WWOX: variants seen among roughly 807,000 people sequenced by gnomAD.
WWOX encodes the protein WW domain containing oxidoreductase.
WWOX carries 69 observed loss-of-function variants against 46.2 expected under a neutral mutation model. That is an observed-to-expected ratio of 1.49 (90% confidence interval 1.23 to 1.82). The LOEUF (loss-of-function observed/expected upper bound fraction) is 1.82. Among genes scored for constraint, WWOX ranks in the 40% most tolerant of loss-of-function variants. WWOX has a pLI of 0.00. For synonymous variants in WWOX, 359 were observed against 202.6 expected (o/e 1.77, Z -6.56); for missense variants, 919 against 542.6 (o/e 1.69, Z -6.89).
intron 4 of WWOX, among the ~76,000 whole-genome samples, chr16:78,121,698 G>C (rs1347238058): frequency 6.7e-6 from 1 of 150,120 alleles, no homozygotes; most frequent in Non-Finnish European, 1.5e-5. Context: ...GTATTACTCT[G>C]TTGCGCAGGC....
At chr16:78,230,458 T>A (rs1036856322) in intron 5 of WWOX, among the ~76,000 whole-genome samples, 1 of 152,188 alleles carries the variant, frequency 6.6e-6, no homozygotes, top group Non-Finnish European at 1.5e-5. Context: ...CAATTAGTAG[T>A]TTTAAGCATG....
At chr16:78,829,384 T>C (rs1410746984) in intron 8 of WWOX, among the ~76,000 whole-genome samples, 1 of 152,130 alleles carries the variant, frequency 6.6e-6, no homozygotes, top group Non-Finnish European at 1.5e-5. Context: ...TATTCGGGCC[T>C]TCAACAGATT....
In WWOX at chr16:79,102,120, C is replaced by T. The variant is rs74034953; in HGVS notation, c.1057-109488C>T. Among the ~76,000 whole-genome samples the T allele has an allele frequency of 3.8e-3, 569 of 149,096 alleles. 5 individuals carry two copies. Among genetic ancestry groups the T allele is most frequent in the African/African-American group, 0.013 (536 of 40,408 alleles). The stretch of plus-strand genomic sequence containing the variant: ...GGTGGGCAGGTTCAGGGACTGAGGC[C>T]GGAAGCAAAACAATGTACTGGAGTG... On this transcript the variant is annotated intron_variant, in intron 8 of 8. Coordinates refer to ENST00000566780, the MANE Select transcript of WWOX (RefSeq NM_016373.4).
At chr16:78,953,340 ACT>A (rs1034940149) in intron 8 of WWOX, among the ~76,000 whole-genome samples, 4 of 151,672 alleles carry the variant, frequency 2.6e-5, no homozygotes, top group Non-Finnish European at 5.9e-5. Context: ...TAGAGAACAA[ACT>A]CTTTTTAAGG....
chr16:78,495,909 G>C (rs2084907100), intron 8 of WWOX: 1 of 152,142 alleles, frequency 6.6e-6, no homozygotes, highest in Non-Finnish European at 1.5e-5. Flanking sequence ...GTTAGGTAAA[G>C]AATAAAAATT....
At chr16:78,381,998 A>T (rs2081966011) in intron 5 of WWOX, among the ~76,000 whole-genome samples, 1 of 152,110 alleles carries the variant, frequency 6.6e-6, no homozygotes, top group Non-Finnish European at 1.5e-5. Context: ...CCTGTGTAGC[A>T]GGTGCATGCT....
intron 5 of WWOX, among the ~76,000 whole-genome samples, chr16:78,326,508 GTTAC>G (rs113212438): frequency 0.056 from 7,712 of 138,794 alleles, 491 homozygotes; most frequent in African/African-American, 0.16. Flanking sequence ...CAGCATCACT[GTTAC>G]TTACTGTGTT....
chr16:79,192,335 T>TCATTCATC (rs2051153527), intron 8 of WWOX, among the ~76,000 whole-genome samples: 1 of 145,400 alleles, frequency 6.9e-6, no homozygotes, highest in African/African-American at 2.6e-5. Context: ...ATTCATTCAT[T>TCATTCATC]CATCCACCCA....
At chr16:79,209,445 G>C (rs2051638328) in intron 8 of WWOX, among the ~76,000 whole-genome samples, 1 of 152,156 alleles carries the variant, frequency 6.6e-6, no homozygotes, top group South Asian at 2.1e-4. Flanking sequence ...CCTCACGCTT[G>C]GCAGAACAGT....
intron 8 of WWOX, among the ~76,000 whole-genome samples, chr16:78,623,429 C>T (rs1214499534): frequency 6.6e-6 from 1 of 152,090 alleles, no homozygotes; most frequent in African/African-American, 2.4e-5. Context: ...CCTGTCATTC[C>T]AGCACTTTGG....
intron 8 of WWOX, among the ~76,000 whole-genome samples, chr16:78,449,365 G>T (rs749727760): frequency 1.3e-5 from 2 of 151,866 alleles, no homozygotes; most frequent in African/African-American, 2.4e-5. Context: ...GAGTCTGATC[G>T]TTGTTAAAGG....
chr16:78,347,622 T>C lies in WWOX; in HGVS notation c.517-39238T>C, dbSNP rs2081116219. Among the ~76,000 whole-genome samples the C allele has an allele frequency of 1.6e-5, 2 of 121,466 alleles. 1 individual carries two copies. The highest frequency in any genetic ancestry group is 3.9e-5 in the Non-Finnish European group (2 of 50,852). 79.7% of individuals were successfully genotyped at this position (121,466 alleles called of 152,430 possible). On this transcript the variant is annotated intron_variant, in intron 5 of 8. Coordinates refer to ENST00000566780, the MANE Select transcript of WWOX (RefSeq NM_016373.4). Reference sequence around the variant, plus strand: ...ATATTCGTCTAATAAATAAATGAACTTGTGTTCTCCATATTCCTTGAAAAT... The same window carrying C: ...ATATTCGTCTAATAAATAAATGAACCTGTGTTCTCCATATTCCTTGAAAAT...
intron 8 of WWOX, among the ~76,000 whole-genome samples, chr16:79,177,208 C>T (rs946144225): frequency 6.6e-6 from 1 of 152,196 alleles, no homozygotes; most frequent in African/African-American, 2.4e-5. Context: ...GACGTGGCAA[C>T]TGACACATGC....
chr16:78,936,122 G>C (rs188635091), intron 8 of WWOX, among the ~76,000 whole-genome samples: 2 of 152,056 alleles, frequency 1.3e-5, no homozygotes, highest in Admixed American at 6.5e-5. Flanking sequence ...GTAATGATGA[G>C]TTTTGGTCTG....
At chr16:78,439,162 C>T (rs2083394468) in intron 8 of WWOX, among the ~76,000 whole-genome samples, 1 of 152,184 alleles carries the variant, frequency 6.6e-6, no homozygotes, top group Non-Finnish European at 1.5e-5. Context: ...GTGTATAAAA[C>T]AGGCTTTCTG....
intron 8 of WWOX, among the ~76,000 whole-genome samples, chr16:78,660,381 T>C (rs966944962): frequency 6.6e-6 from 1 of 152,178 alleles, no homozygotes; most frequent in South Asian, 2.1e-4. Context: ...CAGAAGGAAA[T>C]TGGAGACATT....
intron 6 of WWOX, among the ~76,000 whole-genome samples, chr16:78,391,976 A>C (rs957591390): frequency 2.0e-5 from 3 of 150,948 alleles, no homozygotes; most frequent in Non-Finnish European, 4.4e-5. Flanking sequence ...ATGCATTTTT[A>C]ATCTATAGGT....
intron 4 of WWOX, among the ~76,000 whole-genome samples, chr16:78,153,488 C>G (rs964511199): frequency 4.6e-5 from 7 of 152,082 alleles, no homozygotes; most frequent in African/African-American, 1.7e-4. Context: ...GACATTAGGC[C>G]TATCTTCTTG....
At chr16:79,168,636 C>T (rs1231448125) in intron 8 of WWOX, among the ~76,000 whole-genome samples, 1 of 152,176 alleles carries the variant, frequency 6.6e-6, no homozygotes, top group African/African-American at 2.4e-5. Flanking sequence ...GCCATCTACA[C>T]TTGTCGACTA....
Sources: allele counts gnomAD v4.1 joint callset (sites outside exome capture counted in the v4.1 genomes callset), GRCh38; gene constraint gnomAD v4.1.1; transcripts MANE v1.5; gene names NCBI Gene and HGNC (gene_info 2026-07-23, HGNC 2026-07-21).